Variants in NAA15 observed in about 807,000 individuals in gnomAD.
NAA15 encodes N-terminal acetyltransferase.
Under a neutral mutation model 114.0 loss-of-function variants are expected in NAA15, and 34 were observed. That is an observed-to-expected ratio of 0.30 (90% CI 0.23 to 0.40). The LOEUF (loss-of-function observed/expected upper bound fraction) is 0.40, where lower values mean the gene tolerates loss of function less well. Ranked by LOEUF, NAA15 falls within the 10% of genes least tolerant of loss-of-function variation. The pLI is 1.00. For synonymous variants in NAA15, 340 were observed against 338.0 expected (o/e 1.01, Z -0.06); for missense variants, 658 against 1,004.5 (o/e 0.66, Z 4.66).
At chr4:139,376,004 A>G (rs552925281) in intron 15 of NAA15, among the ~76,000 whole-genome samples, 4 of 152,280 alleles carry the variant, frequency 2.6e-5, no homozygotes, top group African/African-American at 9.6e-5. Context: ...TCATTCTGTC[A>G]TGGTCTCTGT....
chr4:139,384,226 CA>C (rs1296708743), intron 17 of NAA15, among the ~76,000 whole-genome samples: 3 of 152,136 alleles, frequency 2.0e-5, no homozygotes, highest in Admixed American at 2.0e-4. Flanking sequence ...CCTGTAATCC[CA>C]ACACTTTGGG....
intron 1 of NAA15, among the ~76,000 whole-genome samples, chr4:139,311,685 A>G (rs1329201321): frequency 2.0e-5 from 3 of 151,992 alleles, no homozygotes; most frequent in Non-Finnish European, 4.4e-5. Context: ...ATCTTCAGAT[A>G]GTAGGGCTCA....
intron 3 of NAA15, among the ~76,000 whole-genome samples, chr4:139,337,934 A>G (rs1323849894): frequency 6.6e-6 from 1 of 152,254 alleles, no homozygotes; most frequent in Non-Finnish European, 1.5e-5. Context: ...CTAGAGGACT[A>G]GAAAGACAAG....
chr4:139,329,496 C>G (rs1746927348), intron 1 of NAA15, among the ~76,000 whole-genome samples: 1 of 152,004 alleles, frequency 6.6e-6, no homozygotes. Flanking sequence ...GTCTGTCAAC[C>G]TGATTTTTTT....
At chr4:139,333,288 C>T (rs1747085729) in intron 1 of NAA15, among the ~76,000 whole-genome samples, 1 of 152,104 alleles carries the variant, frequency 6.6e-6, no homozygotes, top group Admixed American at 6.6e-5. Flanking sequence ...TTAATTTTCA[C>T]TCTGACTTTT....
intron 1 of NAA15, among the ~76,000 whole-genome samples, chr4:139,326,216 T>A (rs1168264086): frequency 1.3e-5 from 2 of 152,182 alleles, no homozygotes. Context: ...GTTCTGTATC[T>A]GGATTGTCTG....
chr4:139,304,756 T>C (rs149972605), intron 1 of NAA15, among the ~76,000 whole-genome samples: 77 of 152,326 alleles, frequency 5.1e-4, no homozygotes, highest in African/African-American at 1.7e-3. Flanking sequence ...ATTGCACCAC[T>C]ACAATTAGGC....
chr4:139,354,967 C>A, intron 10 of NAA15, among the ~76,000 whole-genome samples: 1 of 151,964 alleles, frequency 6.6e-6, no homozygotes, highest in East Asian at 1.9e-4. Context: ...ACCTCCACCT[C>A]CCAGGTGCAA....
At chr4:139,341,930 C>T (rs1183337499) in intron 4 of NAA15, among the ~76,000 whole-genome samples, 1 of 152,022 alleles carries the variant, frequency 6.6e-6, no homozygotes, top group Non-Finnish European at 1.5e-5. Flanking sequence ...CCATGTTGCT[C>T]AGGCTGGTCT....
chr4:139,354,437 C>T (rs1747875731), intron 10 of NAA15, among the ~76,000 whole-genome samples: 1 of 151,504 alleles, frequency 6.6e-6, no homozygotes, highest in Admixed American at 6.6e-5. Context: ...TAGCTGGGAC[C>T]ACAGACATGC....
chr4:139,370,176 CT>C (rs1748395915), intron 14 of NAA15, 34 bp from the exon 15 acceptor site: 2 of 1,407,142 alleles, frequency 1.4e-6, no homozygotes, highest in Non-Finnish European at 1.9e-6. Flanking sequence ...GATTAACATG[CT>C]TGTTAATTTT....
chr4:139,317,977 T>C (rs1746469944), intron 1 of NAA15, among the ~76,000 whole-genome samples: 1 of 152,240 alleles, frequency 6.6e-6, no homozygotes, highest in Non-Finnish European at 1.5e-5. Context: ...ACAAAGTAAA[T>C]GAAATATAAA....
At chr4:139,301,943 T>G (rs994808388) in intron 1 of NAA15, 112 bp downstream of exon 1, 3 of 1,178,952 alleles carry the variant, frequency 2.5e-6, no homozygotes, top group Non-Finnish European at 3.6e-6. Flanking sequence ...GGACCCCGCC[T>G]TCATAGCTCT....
chr4:139,386,200 T>C lies in NAA15; in HGVS notation c.2370T>C (p.Leu790=). 3 of 1,609,276 alleles carry C rather than the reference T, an allele frequency of 1.9e-6. No individual in the cohort carries two copies. Among genetic ancestry groups the C allele is most frequent in the Non-Finnish European group, 2.5e-6 (3 of 1,176,800 alleles). Residue 790 remains leucine (L), a synonymous_variant, in exon 19 of 20, where the codon CTT becomes CTC. Coordinates refer to ENST00000296543, the MANE Select transcript of NAA15 (RefSeq NM_057175.5). ...QKRAIELATT[L]DESLTNRNLQ... is the part of the protein sequence containing the mutation. The stretch of plus-strand genomic sequence containing the variant: ...GAGCTATAGAGTTGGCAACAACACT[T>C]GATGAATCTCTCACTAACAGAAACC...
Position 139,340,916 on chromosome 4 carries a change from G to A in NAA15, c.249G>A (p.Trp83Ter). The A allele has an allele frequency of 6.5e-7, 1 of 1,543,150 alleles. No individual in the cohort carries two copies. Among genetic ancestry groups the A allele is most frequent in the African/African-American group, 1.4e-5 (1 of 71,606 alleles). Residue 83 changes from tryptophan (W) to a stop codon, truncating the protein, a stop_gained, in exon 4 of 20, where the codon TGG becomes TGA. Transcript: ENST00000296543. LOFTEE classifies it high-confidence loss of function. ...LRNDLKSHVC[W>*]HVYGLLQRSD... Reference sequence around the variant, plus strand: ...ACCCTTAACTAAATTCTTTAGGTTGGCACGTTTATGGCCTTCTTCAGAGGT... The same window carrying A: ...ACCCTTAACTAAATTCTTTAGGTTGACACGTTTATGGCCTTCTTCAGAGGT...
intron 19 of NAA15, 97 bp from the exon 20 acceptor site, chr4:139,387,787 C>T: frequency 1.1e-6 from 1 of 949,328 alleles, no homozygotes; most frequent in East Asian, 2.4e-5. Flanking sequence ...GTATTTATTT[C>T]TTATTTTAGA....
At chr4:139,368,707 G>A (rs1240599220) in intron 14 of NAA15, among the ~76,000 whole-genome samples, 1 of 152,020 alleles carries the variant, frequency 6.6e-6, no homozygotes, top group Non-Finnish European at 1.5e-5. Context: ...TATAGCCCAC[G>A]TTTGAGGTGG....
At chr4:139,377,235 C>T (rs1748605374) in intron 16 of NAA15, among the ~76,000 whole-genome samples, 1 of 152,030 alleles carries the variant, frequency 6.6e-6, no homozygotes, top group Non-Finnish European at 1.5e-5. Context: ...ATATGAGTAT[C>T]CATTTAAAAA....
In NAA15 at chr4:139,351,589, C is replaced by T. The variant is rs1275008864; in HGVS notation, c.992C>T (p.Ser331Leu). The part of the protein sequence containing the change: ...GCPPVFNTLR[S>L]LYKDKEKVAI... The stretch of plus-strand genomic sequence containing the variant: ...CCACCAGTCTTCAATACTTTAAGAT[C>T]ATTATACAAAGACAAAGAAAAGGTA... Residue 331 changes from serine to leucine, a missense_variant, in exon 9 of 20, where the codon TCA (serine) becomes TTA (leucine). Physicochemically the swap from Ser to Leu is moderately radical, Grantham distance 145 (BLOSUM62 -2). Around this residue, in one of 6 missense-constraint regions of NAA15, gnomAD observed 281 missense variants for 389.1 expected, o/e 0.72. Coordinates refer to ENST00000296543, the MANE Select transcript of NAA15 (RefSeq NM_057175.5). 6.4e-7 allele frequency: 1 copy of T among 1,564,988 alleles called. No homozygotes were observed. Among genetic ancestry groups the T allele is most frequent in the Non-Finnish European group, 8.8e-7 (1 of 1,136,326 alleles).
Sources: allele counts gnomAD v4.1 joint callset (sites outside exome capture counted in the v4.1 genomes callset), GRCh38; gene constraint gnomAD v4.1.1; regional missense constraint gnomAD v4.1.1; transcripts MANE v1.5; gene names NCBI Gene and HGNC (gene_info 2026-07-23, HGNC 2026-07-21).